The following RBM43 variants were observed in gnomAD, a reference collection of about 807,000 sequenced individuals.
The protein encoded by RBM43 is RNA binding motif protein 43, also known as RNA-binding protein 43.
Under a neutral mutation model 12.4 loss-of-function variants are expected in RBM43, and 12 were observed. That is an observed-to-expected ratio of 0.97 (90% CI 0.62 to 1.57). The LOEUF (loss-of-function observed/expected upper bound fraction) is 1.57. Among genes scored for constraint, RBM43 ranks in the 40% most tolerant of loss-of-function variants. The pLI, the probability that RBM43 is intolerant of heterozygous loss-of-function variation, is 0.00. For synonymous variants in RBM43, 138 were observed against 145.7 expected (o/e 0.95, Z 0.38); for missense variants, 348 against 400.1 (o/e 0.87, Z 1.11).
At position 151,255,574 on chromosome 2, in the gene RBM43, C is replaced by G. The variant is rs755982512; in HGVS notation, c.173G>C (p.Arg58Thr). 5 of 1,613,450 alleles carry G rather than the reference C, an allele frequency of 3.1e-6. No homozygotes were observed. In the Admixed American group the frequency reaches 5.0e-5, roughly 16 times the overall value. Residue 58 changes from arginine to threonine, a missense_variant, in exon 2 of 4, where the codon AGA becomes ACA. Physicochemically the swap from Arg to Thr is moderately conservative, Grantham distance 71. Transcript: ENST00000331426. Reference protein sequence around the residue: ...GDVEDVIYPTRTKGVAYVIFK... With the variant: ...GDVEDVIYPTTTKGVAYVIFK... ...TATTACATATGCAACTCCCTTGGTT[C>G]TTGTCGGATATATCACATCTTCAAC...
At position 151,249,553 on chromosome 2, in the gene RBM43, T is replaced by G. The variant is rs1573731424; in HGVS notation, c.*1353A>C. The stretch of plus-strand genomic sequence containing the variant: ...GCGCCCACCACCATGCCCGGCTAAT[T>G]TTTGTATTTTTAGTAGAGATGGGGT... On this transcript the variant is annotated 3_prime_UTR_variant, in exon 4 of 4. Transcript: ENST00000331426. 1 of 151,832 alleles carries G rather than the reference T, an allele frequency of 6.6e-6. No individual in the cohort carries two copies. Among genetic ancestry groups the G allele is most frequent in the Admixed American group, 6.6e-5 (1 of 15,204 alleles). The allele number at this position is 151,832 out of a possible 1,614,324, so 9.4% of individuals were successfully genotyped here.
chr2:151,261,383 C>A (rs1432937105), intron 1 of RBM43: 2 of 1,550,518 alleles, frequency 1.3e-6, no homozygotes, highest in African/African-American at 2.7e-5. Context: ...AGCAGCTCCT[C>A]GACGAACGGC....
intron 1 of RBM43, chr2:151,261,271 C>T: frequency 6.5e-7 from 1 of 1,550,346 alleles, no homozygotes; most frequent in Non-Finnish European, 8.7e-7. Flanking sequence ...TCTTATTAGC[C>T]CTTTTCAAAA....
rs749226301 is a variant in RBM43, at chr2:151,257,332, AAAC to A, written c.4-1592_4-1590del. On this transcript the variant is annotated intron_variant, in intron 1 of 3. Coordinates refer to ENST00000331426, the MANE Select transcript of RBM43 (RefSeq NM_198557.3). ...CACAAACACACACACACACACACAC[AAAC>A]ACACACACACACACACAGTGTCCTG... Among the ~76,000 whole-genome samples, 1,227 of 150,902 alleles carry A rather than the reference AAAC, an allele frequency of 8.1e-3. 22 individuals are homozygous for A. The highest frequency in any genetic ancestry group is 0.028 in the African/African-American group (1,159 of 41,270).
intron 1 of RBM43, among the ~76,000 whole-genome samples, chr2:151,258,960 T>C (rs1204026224): frequency 1.3e-5 from 2 of 152,034 alleles, no homozygotes; most frequent in Non-Finnish European, 2.9e-5. Flanking sequence ...CCGGCCAACA[T>C]GGTGAAACCC....
Position 151,250,894 on chromosome 2 carries a change from G to C in RBM43, c.*12C>G. On this transcript the variant is annotated 3_prime_UTR_variant, in exon 4 of 4. Coordinates refer to ENST00000331426, the MANE Select transcript of RBM43 (RefSeq NM_198557.3). The stretch of plus-strand genomic sequence containing the variant: ...AGAAAGCAGCCCTTATGACTATATT[G>C]CTGAGATTTTATTAACTAACCTTTT... The C allele has an allele frequency of 6.4e-7, 1 of 1,569,106 alleles. No individual in the cohort carries two copies. The highest frequency in any genetic ancestry group is 1.2e-5 in the South Asian group (1 of 83,950).
intron 2 of RBM43, among the ~76,000 whole-genome samples, chr2:151,254,794 G>A (rs1193781921): frequency 3.9e-5 from 6 of 152,042 alleles, no homozygotes; most frequent in Admixed American, 3.3e-4. Flanking sequence ...ATTCAACTTT[G>A]CCAGTAATAA....
intron 2 of RBM43, 36 bp downstream of exon 2, chr2:151,255,497 T>C: frequency 7.7e-7 from 1 of 1,302,772 alleles, no homozygotes; most frequent in Non-Finnish European, 1.1e-6. Flanking sequence ...ATTGAAGAAG[T>C]ATTTCTAAAA....
Position 151,261,560 on chromosome 2 carries a change from G to A in RBM43, c.3+165C>T, listed in dbSNP as rs749807518. On this transcript the variant is annotated intron_variant, in intron 1 of 3. Transcript: ENST00000331426. ...CTGAGTTTGCCCGCCGGGGTGGACG[G>A]CTCTCCGGGGCCCCCGGGGTCCCTG... 2.9e-4 allele frequency: 440 copies of A among 1,542,216 alleles called. 1 individual carries two copies. The Middle Eastern group carries it at 4.3e-3, about 15-fold the overall frequency.
intron 2 of RBM43, 128 bp downstream of exon 2, chr2:151,255,405 G>C: frequency 1.6e-6 from 1 of 609,340 alleles, no homozygotes; most frequent in South Asian, 2.0e-5. Flanking sequence ...GCAACAGAGT[G>C]AGACTGTGTC....
chr2:151,249,832 T>G lies in RBM43; in HGVS notation c.*1074A>C, dbSNP rs1028181765. On this transcript the variant is annotated 3_prime_UTR_variant, in exon 4 of 4. Transcript: ENST00000331426. ...GCTATAGACAAAACTGGTCTCAGGT[T>G]ACAGCAAGCAGTTTCAGTAGCCAGG... The G allele has an allele frequency of 6.6e-6, 1 of 152,196 alleles. No individual in the cohort carries two copies. The allele number at this position is 152,196 out of a possible 1,614,324, so 9.4% of individuals were successfully genotyped here.
In RBM43 at chr2:151,250,922, C is replaced by A. The variant is rs201453037; in HGVS notation, c.1058G>T (p.Gly353Val). 2.5e-4 allele frequency: 391 copies of A among 1,594,490 alleles called. No individual in the cohort carries two copies. Among genetic ancestry groups the A allele is most frequent in the Non-Finnish European group, 3.0e-4 (349 of 1,170,384 alleles). Reference sequence around the variant, plus strand: ...GAGATTTTATTAACTAACCTTTTGCCCTATTAATTTCATGACCCCTTTTTT... The same window carrying A: ...GAGATTTTATTAACTAACCTTTTGCACTATTAATTTCATGACCCCTTTTTT... ...LFKKGVMKLI[G>V]QKVS Residue 353 changes from glycine (G) to valine (V), a missense_variant, in exon 4 of 4, where the codon GGG becomes GTG. By Grantham distance (109) the Gly-to-Val change is moderately radical (BLOSUM62 -3). Coordinates refer to ENST00000331426, the MANE Select transcript of RBM43 (RefSeq NM_198557.3).
chr2:151,254,287 A>ATCTATCTCTC (rs146039442), intron 2 of RBM43, among the ~76,000 whole-genome samples: 14 of 149,416 alleles, frequency 9.4e-5, no homozygotes, highest in African/African-American at 3.4e-4. Context: ...ACCGAGGCCA[A>ATCTATCTCTC]TCTCTCTCTC....
intron 2 of RBM43, among the ~76,000 whole-genome samples, chr2:151,254,057 T>C (rs1246277751): frequency 1.3e-5 from 2 of 152,194 alleles, no homozygotes; most frequent in African/African-American, 4.8e-5. Flanking sequence ...CACTTATTTA[T>C]GAATATATAA....
chr2:151,251,812 C>T, intron 3 of RBM43, 148 bp from the exon 4 acceptor site: 1 of 722,328 alleles, frequency 1.4e-6, no homozygotes, highest in Non-Finnish European at 2.2e-6. Context: ...ACTTCTTGCA[C>T]CAGGGCAGCC....
At position 151,247,954 on chromosome 2, in the gene RBM43, CTT is replaced by C. The variant is rs1682842102; in HGVS notation, c.*2950_*2951del. 6.6e-6 allele frequency: 1 copy of C among 152,178 alleles called. No individual in the cohort carries two copies. The highest frequency in any genetic ancestry group is 6.5e-5 in the Admixed American group (1 of 15,288). The allele number at this position is 152,178 out of a possible 1,614,324, so 9.4% of individuals were successfully genotyped here. On this transcript the variant is annotated 3_prime_UTR_variant, in exon 4 of 4. Coordinates refer to ENST00000331426, the MANE Select transcript of RBM43 (RefSeq NM_198557.3). ...ACACATATACATAAAGATATTAAAA[CTT>C]TTATTTTAGAATTTTAGTCATGATA...
rs1683048091 is a variant in RBM43, at chr2:151,261,607, C to G, written c.3+118G>C. The G allele has an allele frequency of 2.0e-6, 3 of 1,538,032 alleles. No individual in the cohort carries two copies. The South Asian group carries it at 3.6e-5, about 19-fold the overall frequency. ...CCTGGGGCCCCTCCGTGCGCCGCCCCCTCCCGCGCAGCCCTGCACCCTGGC... is the reference window on the plus strand; with the variant it reads ...CCTGGGGCCCCTCCGTGCGCCGCCCGCTCCCGCGCAGCCCTGCACCCTGGC... On this transcript the variant is annotated intron_variant, in intron 1 of 3. Transcript: ENST00000331426.
chr2:151,261,190 C>A, intron 1 of RBM43: 1 of 1,479,096 alleles, frequency 6.8e-7, no homozygotes, highest in Non-Finnish European at 9.1e-7. Context: ...TTTGCTAAGA[C>A]AAGAATTCGC....
chr2:151,251,388 T>C lies in RBM43; in HGVS notation c.592A>G (p.Arg198Gly). 1 of 1,614,220 alleles carries C rather than the reference T, an allele frequency of 6.2e-7. No homozygotes were observed. The highest frequency in any genetic ancestry group is 8.5e-7 in the Non-Finnish European group (1 of 1,180,036). ...ACTGATGCCAAAGAGTTATTACTTC[T>C]CTGTAGATTCCTCTGGGGATTTTGT... ...NRQNPQRNLQ[R>G]SNNSLASVRT... Residue 198 changes from arginine to glycine, a missense_variant, in exon 4 of 4, where the codon AGA (arginine) becomes GGA (glycine). Coordinates refer to ENST00000331426, the MANE Select transcript of RBM43 (RefSeq NM_198557.3).
Sources: allele counts gnomAD v4.1 joint callset (sites outside exome capture counted in the v4.1 genomes callset), GRCh38; gene constraint gnomAD v4.1.1; transcripts MANE v1.5; gene names NCBI Gene and HGNC (gene_info 2026-07-23, HGNC 2026-07-21).